The following DCAF4 variants were observed in gnomAD, a reference collection of about 807,000 sequenced individuals.
The protein encoded by DCAF4 is DDB1- and CUL4-associated factor 4.
In DCAF4, 37 loss-of-function variants were observed where a neutral mutation model predicts 60.9. That is an observed-to-expected ratio of 0.61 (90% CI 0.47 to 0.80). DCAF4 has a LOEUF of 0.80. Among genes scored for constraint, DCAF4 ranks in the 30% least tolerant of loss-of-function variants. The pLI, the probability that DCAF4 is intolerant of heterozygous loss-of-function variation, is 0.00. For missense variants in DCAF4, 577 were observed against 650.0 expected, an observed-to-expected ratio of 0.89 and a Z score of 1.22; for synonymous variants, 243 against 254.8, an observed-to-expected ratio of 0.95 and a Z score of 0.44.
chr14:72,935,457 G>A (rs1400079614), intron 1 of DCAF4, among the ~76,000 whole-genome samples: 4 of 152,198 alleles, frequency 2.6e-5, no homozygotes, highest in Admixed American at 2.0e-4. Context: ...GTTTCACCAC[G>A]TTGGCCAGGC....
chr14:72,945,126 C>T (rs1326663266), intron 6 of DCAF4, among the ~76,000 whole-genome samples: 1 of 151,718 alleles, frequency 6.6e-6, no homozygotes, highest in Non-Finnish European at 1.5e-5. Flanking sequence ...GGCATGGTGC[C>T]TCACACCTGT....
At position 72,940,297 on chromosome 14, in the gene DCAF4, C is replaced by G. The variant is rs184655877; in HGVS notation, c.271C>G (p.Leu91Val). 9 of 1,614,156 alleles carry G rather than the reference C, an allele frequency of 5.6e-6. No homozygotes were observed. In the Admixed American group the frequency reaches 1.5e-4, roughly 27 times the overall value. The change falls in exon 4 of 14, where the codon CTG becomes GTG. Residue 91 changes from leucine (L) to valine (V), a missense_variant. Leu to Val is a conservative substitution (Grantham distance 32). Transcript: ENST00000358377. ...LLPGHNNCNP[L>V]TKESIRQKEM... ...CCCTGGACATAACAACTGCAACCCC[C>G]TGACGAAAGAGAGCATCCGGCAGAA...
At chr14:72,927,602 C>T (rs568593026) in intron 1 of DCAF4, among the ~76,000 whole-genome samples, 32 of 152,170 alleles carry the variant, frequency 2.1e-4, no homozygotes, top group South Asian at 1.5e-3. Flanking sequence ...CCGCCCGCCT[C>T]GGCCTCCCAA....
chr14:72,956,405 G>C lies in DCAF4; in HGVS notation c.1199G>C (p.Arg400Thr), dbSNP rs1352491687. Residue 400 changes from arginine (R) to threonine (T), a missense_variant, in exon 13 of 14, where the codon AGG (arginine) becomes ACG (threonine). Coordinates refer to ENST00000358377, the MANE Select transcript of DCAF4 (RefSeq NM_015604.4). Reference protein sequence around the residue: ...MAGKIKLWDLRTTKCVRQYEG... With the variant: ...MAGKIKLWDLTTTKCVRQYEG... ...CCACAGATCAAGCTGTGGGACCTGA[G>C]GACCACGAAGTGCGTAAGGCAGTAC... The C allele has an allele frequency of 6.2e-7, 1 of 1,610,994 alleles. No homozygotes were observed. Among genetic ancestry groups the C allele is most frequent in the Admixed American group, 1.7e-5 (1 of 59,738 alleles).
In DCAF4 at chr14:72,939,890, T is replaced by G. The variant is rs1889792002; in HGVS notation, c.181T>G (p.Ser61Ala). Residue 61 changes from serine to alanine, a missense_variant, in exon 3 of 14, where the codon TCC (serine) becomes GCC (alanine). Coordinates refer to ENST00000358377, the MANE Select transcript of DCAF4 (RefSeq NM_015604.4). ...PSTSSGTAGT[S>A]SVPELPGFYF... ...AACCTCGTCTGGCACAGCTGGGACC[T>G]CCTCTGTGCCAGGTAAGGCCACTTG... is the stretch of plus-strand genomic sequence containing the variant. The G allele has an allele frequency of 5.0e-6, 8 of 1,608,362 alleles. No individual in the cohort carries two copies. Among genetic ancestry groups the G allele is most frequent in the Non-Finnish European group, 5.1e-6 (6 of 1,177,462 alleles).
intron 1 of DCAF4, among the ~76,000 whole-genome samples, chr14:72,936,521 G>A (rs184770124): frequency 8.1e-5 from 12 of 147,958 alleles, no homozygotes; most frequent in Admixed American, 4.9e-4. Flanking sequence ...CTGAGATGGC[G>A]CCACTGCACT....
intron 7 of DCAF4, 47 bp from the exon 8 acceptor site, chr14:72,947,095 T>A: frequency 6.2e-7 from 1 of 1,610,014 alleles, no homozygotes; most frequent in East Asian, 2.2e-5. Flanking sequence ...CAGGAAAGCA[T>A]ATTACTGTAG....
At chr14:72,948,757 A>G (rs1360219170) in intron 8 of DCAF4, among the ~76,000 whole-genome samples, 1 of 152,162 alleles carries the variant, frequency 6.6e-6, no homozygotes, top group Non-Finnish European at 1.5e-5. Context: ...GTGCTGCTTC[A>G]GAAGTTCAGG....
intron 9 of DCAF4, 64 bp from the exon 10 acceptor site, chr14:72,954,100 A>G: frequency 6.4e-7 from 1 of 1,567,298 alleles, no homozygotes; most frequent in East Asian, 2.2e-5. Flanking sequence ...TGTTTTCCGA[A>G]CCCAGTGGTC....
chr14:72,940,591 GTTTTTTTTT>G, intron 4 of DCAF4: 1 of 284,518 alleles, frequency 3.5e-6, no homozygotes. Context: ...TCGATAAGTT[GTTTTTTTTT>G]TTTTTTTTGA....
chr14:72,958,847 G>C lies in DCAF4; in HGVS notation c.*42G>C. 6.6e-7 allele frequency: 1 copy of C among 1,514,168 alleles called. No individual in the cohort carries two copies. Among genetic ancestry groups the C allele is most frequent in the Non-Finnish European group, 8.8e-7 (1 of 1,132,864 alleles). 93.8% of individuals were successfully genotyped at this position (1,514,168 alleles called of 1,614,324 possible). On this transcript the variant is annotated 3_prime_UTR_variant, in exon 14 of 14. Coordinates refer to ENST00000358377, the MANE Select transcript of DCAF4 (RefSeq NM_015604.4). Reference sequence around the variant, plus strand: ...CCAGAGCCATGTGGATTTGACTTACGGGAGTAAAGCGTAACTTTTTACTGC... The same window carrying C: ...CCAGAGCCATGTGGATTTGACTTACCGGAGTAAAGCGTAACTTTTTACTGC...
At position 72,959,346 on chromosome 14, in the gene DCAF4, C is replaced by T. The variant is rs1440780152; in HGVS notation, c.*541C>T. Reference sequence around the variant, plus strand: ...AATCCTTAAACTTGGCCTTCTCAAACTCAGCAGCAGATCTCCGGGATTCTG... The same window carrying T: ...AATCCTTAAACTTGGCCTTCTCAAATTCAGCAGCAGATCTCCGGGATTCTG... On this transcript the variant is annotated 3_prime_UTR_variant, in exon 14 of 14. Coordinates refer to ENST00000358377, the MANE Select transcript of DCAF4 (RefSeq NM_015604.4). 3.0e-6 allele frequency: 3 copies of T among 985,586 alleles called. No individual in the cohort carries two copies. The East Asian group carries it at 3.4e-4, about 112-fold the overall frequency. The allele number at this position is 985,586 out of a possible 1,614,324, so 61.1% of individuals were successfully genotyped here.
chr14:72,953,785 TGTGTGTGTG>T (rs1891885691), intron 9 of DCAF4, among the ~76,000 whole-genome samples: 1 of 5,534 alleles, frequency 1.8e-4, no homozygotes, highest in African/African-American at 3.8e-4. Flanking sequence ...TATTTATTTG[TGTGTGTGTG>T]TGTGTGTGTG....
chr14:72,955,016 G>A (rs1191435238), intron 11 of DCAF4, among the ~76,000 whole-genome samples: 3 of 151,774 alleles, frequency 2.0e-5, no homozygotes, highest in African/African-American at 2.4e-5. Context: ...TCGAGAGACT[G>A]AGGAGAATTG....
intron 1 of DCAF4, among the ~76,000 whole-genome samples, chr14:72,932,499 T>TA (rs1344726023): frequency 2.0e-5 from 3 of 152,246 alleles, no homozygotes; most frequent in Non-Finnish European, 4.4e-5. Flanking sequence ...TATTTGTGAT[T>TA]AACATTGCCT....
chr14:72,933,225 A>G (rs568085797), intron 1 of DCAF4, among the ~76,000 whole-genome samples: 1 of 152,338 alleles, frequency 6.6e-6, no homozygotes, highest in African/African-American at 2.4e-5. Context: ...ATCCTTAAGA[A>G]GCACTGATCT....
chr14:72,931,195 T>A (rs1451660582), intron 1 of DCAF4, among the ~76,000 whole-genome samples: 5 of 152,088 alleles, frequency 3.3e-5, no homozygotes, highest in Non-Finnish European at 7.4e-5. Context: ...CTTTCAACAG[T>A]GTTTTATAGT....
At chr14:72,929,087 G>A (rs1413802195) in intron 1 of DCAF4, among the ~76,000 whole-genome samples, 2 of 152,164 alleles carry the variant, frequency 1.3e-5, no homozygotes, top group African/African-American at 2.4e-5. Flanking sequence ...GACGCCCGGG[G>A]CTGCTCCCTA....
Position 72,937,955 on chromosome 14 carries a change from T to G in DCAF4, c.-8-16T>G. The stretch of plus-strand genomic sequence containing the variant: ...ACACACAGAGATGTATGGATTTTTT[T>G]GTTTTTCTCTTTTAGGAACAGAAAT... On this transcript the variant is annotated splice_polypyrimidine_tract_variant and intron_variant, in intron 1 of 13. Transcript: ENST00000358377. 1 of 1,577,188 alleles carries G rather than the reference T, an allele frequency of 6.3e-7. No homozygotes were observed. The highest frequency in any genetic ancestry group is 8.6e-7 in the Non-Finnish European group (1 of 1,168,310).
Sources: gnomAD v4.1 joint callset for allele counts (sites outside exome capture counted in the v4.1 genomes callset) on GRCh38, gnomAD v4.1.1 for gene constraint, MANE v1.5 for transcripts, NCBI Gene and HGNC (gene_info 2026-07-23, HGNC 2026-07-21) for gene names.